Variants in DNAH8 observed in about 807,000 individuals in gnomAD.
DNAH8 encodes the protein dynein axonemal heavy chain 8, also known as axonemal beta dynein heavy chain 8.
Under a neutral mutation model 562.1 loss-of-function variants are expected in DNAH8, and 382 were observed. The ratio of observed to expected loss-of-function variants is 0.68; its 90% confidence interval spans 0.63 to 0.74. The LOEUF is 0.74. Among genes scored for constraint, DNAH8 ranks in the 30% least tolerant of loss-of-function variants. DNAH8 has a pLI of 0.00. For synonymous variants in DNAH8, 1,881 were observed against 1,919.4 expected, an observed-to-expected ratio of 0.98 and a Z score of 0.52; for missense variants, 5,203 against 5,620.4, an observed-to-expected ratio of 0.93 and a Z score of 2.37.
chr6:38,802,103 C>T, intron 21 of DNAH8, among the ~76,000 whole-genome samples: 1 of 151,104 alleles, frequency 6.6e-6, no homozygotes, highest in Non-Finnish European at 1.5e-5. Flanking sequence ...TGGCAAAATT[C>T]TAAAAAATTT....
chr6:39,016,292 G>C (rs1379111365), intron 91 of DNAH8, among the ~76,000 whole-genome samples: 1 of 151,996 alleles, frequency 6.6e-6, no homozygotes, highest in African/African-American at 2.4e-5. Context: ...TGGCTCACGC[G>C]TGTAATCCCA....
chr6:38,948,950 G>A (rs1445369087), intron 80 of DNAH8, among the ~76,000 whole-genome samples: 1 of 152,090 alleles, frequency 6.6e-6, no homozygotes, highest in Admixed American at 6.5e-5. Flanking sequence ...TTAGAGGTTG[G>A]GTTATCAGAA....
At chr6:38,968,351 C>A (rs1485393703) in intron 82 of DNAH8, among the ~76,000 whole-genome samples, 2 of 152,064 alleles carry the variant, frequency 1.3e-5, no homozygotes, top group African/African-American at 4.8e-5. Flanking sequence ...AGAGGACAAC[C>A]TATAAAATAG....
In DNAH8 at chr6:38,779,509, T is replaced by G. The variant is rs117913739; in HGVS notation, c.2040-457T>G. Among the ~76,000 whole-genome samples the G allele has an allele frequency of 8.5e-4, 129 of 152,308 alleles. 1 individual carries two copies. In the East Asian group the frequency reaches 0.023, roughly 27 times the overall value. Reference sequence around the variant, plus strand: ...TTCAGTCTCTGAATGGAAGTGACATTTAGCTGACAAAGTTGTTTTTGTGAT... The same window carrying G: ...TTCAGTCTCTGAATGGAAGTGACATGTAGCTGACAAAGTTGTTTTTGTGAT... On this transcript the variant is annotated intron_variant, in intron 14 of 92. Transcript: ENST00000327475.
intron 85 of DNAH8, among the ~76,000 whole-genome samples, chr6:38,975,698 G>C (rs1169095983): frequency 6.6e-6 from 1 of 152,200 alleles, no homozygotes; most frequent in Non-Finnish European, 1.5e-5. Flanking sequence ...GTCAATTACA[G>C]CTTTCAAGTC....
chr6:38,878,941 GT>G (rs1382630354), intron 53 of DNAH8, among the ~76,000 whole-genome samples: 1 of 152,092 alleles, frequency 6.6e-6, no homozygotes, highest in Non-Finnish European at 1.5e-5. Context: ...TAATTCGCTT[GT>G]AATAATTCCA....
chr6:38,815,258 A>C (rs1562880055), intron 25 of DNAH8, among the ~76,000 whole-genome samples: 2 of 152,216 alleles, frequency 1.3e-5, no homozygotes, highest in Non-Finnish European at 2.9e-5. Flanking sequence ...CTCGTGGTGT[A>C]ATGAGGCTTG....
intron 54 of DNAH8, 36 bp from the exon 55 acceptor site, chr6:38,883,279 ATAAGTTG>A (rs2150467241): frequency 6.4e-7 from 1 of 1,551,062 alleles, no homozygotes; most frequent in South Asian, 1.3e-5. Context: ...TTGAAACTAA[ATAAGTTG>A]TAACACATTT....
chr6:38,835,926 A>T (rs545992954), intron 32 of DNAH8, among the ~76,000 whole-genome samples: 1 of 152,196 alleles, frequency 6.6e-6, no homozygotes, highest in Admixed American at 6.5e-5. Flanking sequence ...GTTTGGAGAG[A>T]GGAAGATCAA....
intron 87 of DNAH8, among the ~76,000 whole-genome samples, chr6:38,986,689 A>G (rs1441871590): frequency 1.3e-5 from 2 of 152,260 alleles, no homozygotes; most frequent in Non-Finnish European, 2.9e-5. Context: ...ATAATTCACC[A>G]AGAGTAACAG....
chr6:38,870,960 G>A (rs575645751), intron 49 of DNAH8, among the ~76,000 whole-genome samples: 6 of 152,308 alleles, frequency 3.9e-5, no homozygotes, highest in African/African-American at 1.4e-4. Flanking sequence ...CCTGCTTTGT[G>A]TGTGGACATG....
At chr6:38,825,999 A>G (rs1773284361) in intron 28 of DNAH8, among the ~76,000 whole-genome samples, 157 bp from the exon 29 acceptor site, 1 of 151,778 alleles carries the variant, frequency 6.6e-6, no homozygotes, top group Non-Finnish European at 1.5e-5. Flanking sequence ...AAAATCTAGT[A>G]ACCTTATAGC....
chr6:38,829,969 C>G (rs1351497878), intron 30 of DNAH8, among the ~76,000 whole-genome samples: 1 of 152,160 alleles, frequency 6.6e-6, no homozygotes, highest in Non-Finnish European at 1.5e-5. Flanking sequence ...ATAGTCCTTT[C>G]TATTTCTGTT....
chr6:38,836,502 C>CA (rs1250661648), intron 32 of DNAH8, among the ~76,000 whole-genome samples: 18 of 123,876 alleles, frequency 1.5e-4, no homozygotes, highest in African/African-American at 5.4e-4. Context: ...ACAACAACAA[C>CA]AAAAAAACCA....
At chr6:39,016,260 A>G (rs990748605) in intron 91 of DNAH8, among the ~76,000 whole-genome samples, 2 of 151,828 alleles carry the variant, frequency 1.3e-5, no homozygotes, top group Non-Finnish European at 2.9e-5. Flanking sequence ...TAAATAAAAA[A>G]CCCTACATAG....
intron 14 of DNAH8, among the ~76,000 whole-genome samples, chr6:38,779,515 G>C (rs2127636508): frequency 6.6e-6 from 1 of 152,256 alleles, no homozygotes; most frequent in Admixed American, 6.5e-5. Context: ...ACATTTAGCT[G>C]ACAAAGTTGT....
intron 1 of DNAH8, among the ~76,000 whole-genome samples, chr6:38,721,568 TA>T (rs1183663004): frequency 6.6e-6 from 1 of 151,690 alleles, no homozygotes; most frequent in Non-Finnish European, 1.5e-5. Context: ...GAGGGAAGGC[TA>T]AAAAAACCCT....
At position 38,845,698 on chromosome 6, in the gene DNAH8, A is replaced by G. The variant is rs1775240285; in HGVS notation, c.4970A>G (p.Lys1657Arg). ...AAGGGAAAAGGAGAGCTCCTGCTCAAAGGAACCGAATCGGGAGAAATTATC... is the reference window on the plus strand; with the variant it reads ...AAGGGAAAAGGAGAGCTCCTGCTCAGAGGAACCGAATCGGGAGAAATTATC... ...AFKGKGELLL[K>R]GTESGEIITL... Residue 1657 changes from lysine (K) to arginine (R), a missense_variant, in exon 36 of 93, where the codon AAA becomes AGA. Lys to Arg is a conservative substitution (Grantham distance 26). Coordinates refer to ENST00000327475, the MANE Select transcript of DNAH8 (RefSeq NM_001206927.2). 20 of 1,614,046 alleles carry G rather than the reference A, an allele frequency of 1.2e-5. No homozygotes were observed. Among genetic ancestry groups the G allele is most frequent in the Non-Finnish European group, 1.6e-5 (19 of 1,179,922 alleles).
At chr6:38,883,799 C>A in intron 55 of DNAH8, 77 bp from the exon 56 acceptor site, 1 of 1,199,756 alleles carries the variant, frequency 8.3e-7, no homozygotes, top group South Asian at 2.2e-5. Context: ...ATATTCTACT[C>A]TGACAAGAAT....
Sources: gnomAD v4.1 joint callset for allele counts (sites outside exome capture counted in the v4.1 genomes callset) on GRCh38, gnomAD v4.1.1 for gene constraint, MANE v1.5 for transcripts, NCBI Gene and HGNC (gene_info 2026-07-23, HGNC 2026-07-21) for gene names.